The following ELF1 variants were observed in gnomAD, a reference collection of about 807,000 sequenced individuals.
ELF1 encodes the protein E74 like ETS transcription factor 1.
ELF1 carries 24 observed loss-of-function variants against 59.9 expected under a neutral mutation model. The observed-to-expected ratio is 0.40, with a 90% CI of 0.29 to 0.56. The LOEUF (loss-of-function observed/expected upper bound fraction) is 0.56. ELF1 is among the 20% of genes least tolerant of loss of function. The probability of loss-of-function intolerance (pLI) is 0.44; values close to 1 mark genes in which losing one functional copy is unlikely to be tolerated. For synonymous variants in ELF1, 248 were observed against 266.2 expected (o/e 0.93, Z 0.67); for missense variants, 627 against 742.2 (o/e 0.84, Z 1.80).
chr13:40,992,965 G>T, intron 1 of ELF1: 4 of 936,714 alleles, frequency 4.3e-6, no homozygotes, highest in Admixed American at 3.8e-5. Context: ...TTTTTGTTCT[G>T]TTCTTTCTTT....
upstream of ELF1, among the ~76,000 whole-genome samples, chr13:41,022,880 G>C (rs2138396168): frequency 6.6e-6 from 1 of 152,036 alleles, no homozygotes; most frequent in East Asian, 1.9e-4. Flanking sequence ...CTCTGTGTCA[G>C]ACCTCCACAT....
chr13:40,956,678 ACTT>A (rs1871467198), intron 3 of ELF1, among the ~76,000 whole-genome samples: 1 of 148,966 alleles, frequency 6.7e-6, no homozygotes, highest in Non-Finnish European at 1.5e-5. Context: ...CGTCTCTATT[ACTT>A]TTTTTTTTTT....
intron 2 of ELF1, among the ~76,000 whole-genome samples, chr13:40,964,824 C>T (rs922957718): frequency 1.3e-5 from 2 of 152,050 alleles, no homozygotes; most frequent in Non-Finnish European, 2.9e-5. Flanking sequence ...TGTGAGCCAC[C>T]GCACCCAGCC....
chr13:40,995,088 C>T (rs75367763), intron 1 of ELF1, among the ~76,000 whole-genome samples: 7 of 152,160 alleles, frequency 4.6e-5, no homozygotes, highest in Admixed American at 3.3e-4. Flanking sequence ...AGAAGTTTCA[C>T]TCTTACACGG....
chr13:41,009,548 T>A (rs939993700), intron 1 of ELF1, among the ~76,000 whole-genome samples: 1 of 152,228 alleles, frequency 6.6e-6, no homozygotes, highest in African/African-American at 2.4e-5. Flanking sequence ...CTTGAACTAC[T>A]GCCAATATGA....
chr13:40,954,138 C>T (rs907387433), intron 3 of ELF1, among the ~76,000 whole-genome samples: 4 of 152,142 alleles, frequency 2.6e-5, no homozygotes, highest in Non-Finnish European at 5.9e-5. Flanking sequence ...TAGTCCAATT[C>T]CCTCACTGGT....
At chr13:41,060,512 G>C (rs1427498430) in intron 1 of ELF1, among the ~76,000 whole-genome samples, 1 of 152,186 alleles carries the variant, frequency 6.6e-6, no homozygotes, top group Non-Finnish European at 1.5e-5. Flanking sequence ...CCGTGAGCCG[G>C]AGGCGGGAGG....
chr13:40,999,518 T>C (rs1427042090), intron 1 of ELF1, among the ~76,000 whole-genome samples: 2 of 152,222 alleles, frequency 1.3e-5, no homozygotes, highest in Non-Finnish European at 2.9e-5. Context: ...GGCAGTAGAA[T>C]TTAGGCATGA....
At chr13:40,937,523 G>A (rs999009769) in intron 8 of ELF1, among the ~76,000 whole-genome samples, 1 of 152,210 alleles carries the variant, frequency 6.6e-6, no homozygotes, top group South Asian at 2.1e-4. Flanking sequence ...GGGCTGGAGT[G>A]CAGTGGCGCC....
intron 1 of ELF1, among the ~76,000 whole-genome samples, chr13:41,026,309 G>T (rs1042980277): frequency 5.3e-5 from 8 of 152,122 alleles, no homozygotes; most frequent in Admixed American, 5.2e-4. Context: ...CAAGAAAAAG[G>T]CACAACACTT....
intron 3 of ELF1, 41 bp from the exon 4 acceptor site, chr13:40,951,477 C>A: frequency 6.5e-7 from 1 of 1,534,410 alleles, no homozygotes; most frequent in Non-Finnish European, 9.0e-7. Flanking sequence ...AACTACGAGA[C>A]ATCTGTTACT....
chr13:41,052,241 GA>G (rs1478078869), intron 1 of ELF1, among the ~76,000 whole-genome samples: 1 of 151,948 alleles, frequency 6.6e-6, no homozygotes, highest in Non-Finnish European at 1.5e-5. Context: ...CGCCTGGCCA[GA>G]ATTACTTTTC....
chr13:41,048,580 A>G (rs1049082593), intron 1 of ELF1, among the ~76,000 whole-genome samples: 2 of 152,018 alleles, frequency 1.3e-5, no homozygotes, highest in African/African-American at 4.8e-5. Flanking sequence ...AGCCCAGCTA[A>G]TTTTTTAATA....
At chr13:40,943,604 C>A (rs1259866177) in intron 6 of ELF1, among the ~76,000 whole-genome samples, 1 of 152,152 alleles carries the variant, frequency 6.6e-6, no homozygotes, top group African/African-American at 2.4e-5. Flanking sequence ...TTCCAAGAGT[C>A]TCTTTATTAA....
chr13:41,034,516 T>TC (rs1289241155), intron 1 of ELF1, among the ~76,000 whole-genome samples: 1 of 152,144 alleles, frequency 6.6e-6, no homozygotes, highest in African/African-American at 2.4e-5. Flanking sequence ...AAGAATACAG[T>TC]CTGTAATAAT....
chr13:40,974,378 T>C (rs1256120301), intron 2 of ELF1, among the ~76,000 whole-genome samples: 2 of 152,206 alleles, frequency 1.3e-5, no homozygotes, highest in Non-Finnish European at 2.9e-5. Context: ...TATTATTCAA[T>C]TAGTGGTTAA....
At position 40,943,882 on chromosome 13, in the gene ELF1, C is replaced by T. The variant is rs138849972; in HGVS notation, c.573G>A (p.Thr191=). The T allele has an allele frequency of 2.3e-4, 364 of 1,613,626 alleles. No homozygotes were observed. The highest frequency in any genetic ancestry group is 2.8e-4 in the Non-Finnish European group (336 of 1,179,770). ...KPPRPDSPAT[T]PNISVKKKNK... Reference sequence around the variant, plus strand: ...TTTTCTTCTTCACAGATATATTTGGCGTAGTGGCTGGGGAATCTGGTCGTG... The same window carrying T: ...TTTTCTTCTTCACAGATATATTTGGTGTAGTGGCTGGGGAATCTGGTCGTG... Residue 191 remains threonine (T), a synonymous_variant, in exon 6 of 9, where the codon ACG becomes ACA. Transcript: ENST00000239882.
chr13:41,006,139 T>TC (rs1314195467), intron 1 of ELF1, among the ~76,000 whole-genome samples: 1 of 152,242 alleles, frequency 6.6e-6, no homozygotes, highest in East Asian at 1.9e-4. Context: ...AAGTAACATT[T>TC]CTTAAATGAA....
chr13:40,936,481 C>T (rs896083656), intron 8 of ELF1, among the ~76,000 whole-genome samples: 80 of 152,148 alleles, frequency 5.3e-4, no homozygotes, highest in Non-Finnish European at 3.5e-4. Context: ...TGGCCGGGCA[C>T]GGTGGCTCAT....
Sources: allele counts gnomAD v4.1 joint callset (sites outside exome capture counted in the v4.1 genomes callset), GRCh38; gene constraint gnomAD v4.1.1; transcripts MANE v1.5; gene names NCBI Gene and HGNC (gene_info 2026-07-23, HGNC 2026-07-21).